The following IL5RA variants were observed in gnomAD, a reference collection of about 807,000 sequenced individuals.
IL5RA encodes interleukin-5 receptor subunit alpha.
Under a neutral mutation model 50.0 loss-of-function variants are expected in IL5RA, and 49 were observed. That is an observed-to-expected ratio of 0.98 (90% CI 0.78 to 1.24). The LOEUF is 1.24. IL5RA is among the 50% of genes most tolerant of loss of function. The pLI, the probability that IL5RA is intolerant of heterozygous loss-of-function variation, is 0.00. For synonymous variants in IL5RA, 202 were observed against 174.0 expected, an observed-to-expected ratio of 1.16 and a Z score of -1.26; for missense variants, 600 against 500.4, an observed-to-expected ratio of 1.20 and a Z score of -1.90.
intron 9 of IL5RA, among the ~76,000 whole-genome samples, chr3:3,089,550 C>G (rs1272658039): frequency 2.0e-5 from 3 of 152,298 alleles, no homozygotes; most frequent in South Asian, 4.1e-4. Flanking sequence ...CCTATGTATA[C>G]TCTTCCAATG....
At chr3:3,095,499 C>T in intron 7 of IL5RA, 55 bp from the exon 8 acceptor site, 1 of 1,395,782 alleles carries the variant, frequency 7.2e-7, no homozygotes, top group Non-Finnish European at 1.0e-6. Flanking sequence ...GTGATCAAAG[C>T]TGATAATTCC....
intron 9 of IL5RA, among the ~76,000 whole-genome samples, chr3:3,082,519 G>A (rs998424553): frequency 3.9e-5 from 6 of 152,218 alleles, no homozygotes; most frequent in Non-Finnish European, 8.8e-5. Context: ...AAGCATTTGG[G>A]AAATTCAGTT....
Position 3,068,933 on chromosome 3 carries a change from T to G in IL5RA, c.*1292A>C, listed in dbSNP as rs1328453858. Reference sequence around the variant, plus strand: ...GTGCCTATTACCCAGGGTTCAACCCTCTGCTAGTTACAGTGGATAATTACA... The same window carrying G: ...GTGCCTATTACCCAGGGTTCAACCCGCTGCTAGTTACAGTGGATAATTACA... On this transcript the variant is annotated 3_prime_UTR_variant, in exon 12 of 12. Coordinates refer to ENST00000446632, the MANE Select transcript of IL5RA (RefSeq NM_175726.4). 1 of 152,246 alleles carries G rather than the reference T, an allele frequency of 6.6e-6. No homozygotes were observed. Among genetic ancestry groups the G allele is most frequent in the East Asian group, 1.9e-4 (1 of 5,204 alleles). 9.4% of individuals were successfully genotyped at this position (152,246 alleles called of 1,614,324 possible).
At chr3:3,083,267 G>T (rs994200735) in intron 9 of IL5RA, among the ~76,000 whole-genome samples, 1 of 152,182 alleles carries the variant, frequency 6.6e-6, no homozygotes, top group Non-Finnish European at 1.5e-5. Context: ...ACCTGGTTTA[G>T]AGAAATAAAA....
rs997582536 is a variant in IL5RA, at chr3:3,108,554, C to T, written c.-8G>A. 6.6e-6 allele frequency: 1 copy of T among 152,234 alleles called. No homozygotes were observed. Among genetic ancestry groups the T allele is most frequent in the African/African-American group, 2.4e-5 (1 of 41,468 alleles). The allele number at this position is 152,234 out of a possible 1,614,324, so 9.4% of individuals were successfully genotyped here. A position where few individuals can be genotyped will look rare whatever the true frequency, so the allele number is the denominator to read the frequency against. ...CATCCATGCTCCTGGGCGTACCTGTCTACAGACGATCCTCTTGTTCCGACC... is the reference window on the plus strand; with the variant it reads ...CATCCATGCTCCTGGGCGTACCTGTTTACAGACGATCCTCTTGTTCCGACC... On this transcript the variant is annotated 5_prime_UTR_variant, in exon 2 of 12. Coordinates refer to ENST00000446632, the MANE Select transcript of IL5RA (RefSeq NM_175726.4).
intron 9 of IL5RA, among the ~76,000 whole-genome samples, chr3:3,086,599 A>C (rs1011371034): frequency 6.6e-6 from 1 of 152,106 alleles, no homozygotes; most frequent in Non-Finnish European, 1.5e-5. Flanking sequence ...TCAGGAGGCT[A>C]AGGCAGGAGG....
intron 9 of IL5RA, among the ~76,000 whole-genome samples, chr3:3,091,602 T>G (rs185878437): frequency 1.3e-5 from 2 of 152,092 alleles, no homozygotes; most frequent in Admixed American, 6.5e-5. Context: ...CGTGGTGGCA[T>G]GTGCCTGCAG....
Position 3,070,187 on chromosome 3 carries a change from G to T in IL5RA, c.*38C>A. 7.6e-7 allele frequency: 1 copy of T among 1,320,028 alleles called. No individual in the cohort carries two copies. The highest frequency in any genetic ancestry group is 1.1e-6 in the Non-Finnish European group (1 of 917,990). The allele number at this position is 1,320,028 out of a possible 1,614,324, so 81.8% of individuals were successfully genotyped here. A position where few individuals can be genotyped will look rare whatever the true frequency, so the allele number is the denominator to read the frequency against. ...CCTGTTCTTTTCACTGAGGCACTGA[G>T]GCATGTGTGAGTTCATCAGAGGATG... On this transcript the variant is annotated 3_prime_UTR_variant, in exon 12 of 12. Transcript: ENST00000446632.
chr3:3,075,203 CTTT>C (rs10642608), intron 10 of IL5RA, among the ~76,000 whole-genome samples: 7 of 69,974 alleles, frequency 1.0e-4, no homozygotes, highest in African/African-American at 1.8e-4. Context: ...AGTTTACTTA[CTTT>C]TTTTTTTTTT....
chr3:3,087,896 C>T (rs1355083875), intron 9 of IL5RA, among the ~76,000 whole-genome samples: 1 of 152,132 alleles, frequency 6.6e-6, no homozygotes, highest in African/African-American at 2.4e-5. Context: ...TATTAATCAT[C>T]TTGATGAAAA....
intron 9 of IL5RA, among the ~76,000 whole-genome samples, chr3:3,078,749 G>T (rs1702567544): frequency 6.6e-6 from 1 of 151,546 alleles, no homozygotes; most frequent in South Asian, 2.1e-4. Flanking sequence ...CAGGACAATT[G>T]CTTGAACCTG....
In IL5RA at chr3:3,092,189, A is replaced by G; in HGVS notation, c.994+35T>C. ...GGATTACCTTTTTTGATCACAAGGA[A>G]GGCTGCCAATGTAAAATAAACATAA... On this transcript the variant is annotated intron_variant, in intron 9 of 11. Coordinates refer to ENST00000446632, the MANE Select transcript of IL5RA (RefSeq NM_175726.4). This position sits in a 1 kb window ranked among gnomAD's most constrained non-coding sequence, Gnocchi z 4.2. 1 of 1,603,100 alleles carries G rather than the reference A, an allele frequency of 6.2e-7. No individual in the cohort carries two copies.
chr3:3,102,264 T>C (rs1447499733), intron 4 of IL5RA, among the ~76,000 whole-genome samples: 5 of 152,230 alleles, frequency 3.3e-5, no homozygotes, highest in African/African-American at 1.2e-4. Context: ...TTGTCCCAGG[T>C]TGCAAAGGCA....
intron 3 of IL5RA, among the ~76,000 whole-genome samples, chr3:3,103,519 A>C (rs1347922357): frequency 6.6e-6 from 1 of 152,226 alleles, no homozygotes; most frequent in Non-Finnish European, 1.5e-5. Flanking sequence ...ACATAATGTA[A>C]AAATGTATTT....
chr3:3,073,096 T>C (rs892053972), intron 11 of IL5RA, among the ~76,000 whole-genome samples: 1 of 152,212 alleles, frequency 6.6e-6, no homozygotes, highest in Non-Finnish European at 1.5e-5. Context: ...GATCCAACCA[T>C]GGGCAGAATG....
chr3:3,101,776 A>G lies in IL5RA; in HGVS notation c.283T>C (p.Ser95Pro). Reference sequence around the variant, plus strand: ...TGCAGGATGGTCCGCACACTTGCTGAAAAGCCTTTGTGGAGGATGGTTACA... The same window carrying G: ...TGCAGGATGGTCCGCACACTTGCTGGAAAGCCTTTGTGGAGGATGGTTACA... ...KCVTILHKGF[S>P]ASVRTILQND... The change falls in exon 5 of 12, where the codon TCA (serine) becomes CCA (proline). Residue 95 changes from serine to proline, a missense_variant. Coordinates refer to ENST00000446632, the MANE Select transcript of IL5RA (RefSeq NM_175726.4). 1 of 1,614,142 alleles carries G rather than the reference A, an allele frequency of 6.2e-7. No homozygotes were observed. Among genetic ancestry groups the G allele is most frequent in the Non-Finnish European group, 8.5e-7 (1 of 1,179,988 alleles).
chr3:3,076,669 A>T, intron 9 of IL5RA, 42 bp from the exon 10 acceptor site: 1 of 1,282,824 alleles, frequency 7.8e-7, no homozygotes, highest in Non-Finnish European at 1.1e-6. Context: ...ATAAAGTCCA[A>T]GTTAGAAGCA....
chr3:3,102,592 T>A (rs1703707887), intron 4 of IL5RA, 83 bp downstream of exon 4: 2 of 980,276 alleles, frequency 2.0e-6, no homozygotes, highest in Non-Finnish European at 3.0e-6. Context: ...ATTTTTTTAA[T>A]CCAAAATTTT....
intron 10 of IL5RA, 61 bp from the exon 11 acceptor site, chr3:3,074,927 C>G (rs1198436130): frequency 9.7e-7 from 1 of 1,029,032 alleles, no homozygotes; most frequent in African/African-American, 1.6e-5. Flanking sequence ...CTCTAAATAT[C>G]TACTCTAAAA....
Sources: gnomAD v4.1 joint callset for allele counts (sites outside exome capture counted in the v4.1 genomes callset) on GRCh38, gnomAD v4.1.1 for gene constraint, Gnocchi (gnomAD v3.1) non-coding constraint, MANE v1.5 for transcripts, NCBI Gene and HGNC (gene_info 2026-07-23, HGNC 2026-07-21) for gene names.